Variants in DENND2B observed in about 807,000 individuals in gnomAD.
DENND2B encodes DENN domain-containing protein 2B.
Under a neutral mutation model 116.0 loss-of-function variants are expected in DENND2B, and 32 were observed. The observed-to-expected ratio is 0.28, with a 90% CI of 0.21 to 0.37. The LOEUF is 0.37. DENND2B is among the 10% of genes least tolerant of loss of function. The pLI is 1.00. For missense variants in DENND2B, 1,276 were observed against 1,477.7 expected (o/e 0.86, Z 2.24); for synonymous variants, 588 against 583.9 (o/e 1.01, Z -0.10).
chr11:8,841,460 G>A (rs944711648), intron 3 of DENND2B, among the ~76,000 whole-genome samples: 1 of 151,988 alleles, frequency 6.6e-6, no homozygotes. Flanking sequence ...GCAGCATAGT[G>A]GGACCTCATC....
At chr11:8,910,936 C>T (rs2064316961) in exon 1 of DENND2B, 1 of 55,352 alleles carries the variant, frequency 1.8e-5, no homozygotes, top group East Asian at 1.0e-3. Context: ...CCCCCAGCCC[C>T]CGACCCCCGA....
At chr11:8,823,583 G>C (rs564691724) in intron 4 of DENND2B, among the ~76,000 whole-genome samples, 1 of 152,252 alleles carries the variant, frequency 6.6e-6, no homozygotes, top group East Asian at 1.9e-4. Flanking sequence ...TAGTGAGTGA[G>C]GCTCATGAGA....
At chr11:8,728,699 A>G (rs1326791898) in intron 3 of DENND2B, among the ~76,000 whole-genome samples, 1 of 152,158 alleles carries the variant, frequency 6.6e-6, no homozygotes, top group African/African-American at 2.4e-5. Flanking sequence ...CATCTAACTC[A>G]GATGCCCCTT....
At chr11:8,903,023 C>A (rs2064188881) in intron 1 of DENND2B, among the ~76,000 whole-genome samples, 1 of 152,114 alleles carries the variant, frequency 6.6e-6, no homozygotes, top group Non-Finnish European at 1.5e-5. Flanking sequence ...CCACACCCAG[C>A]TAATTTTTGT....
At chr11:8,732,278 C>A (rs142899353) in intron 2 of DENND2B, among the ~76,000 whole-genome samples, 332 of 152,338 alleles carry the variant, frequency 2.2e-3, no homozygotes, top group African/African-American at 7.5e-3. Context: ...CTCATTTAAT[C>A]TTCCTGAAAA....
chr11:8,715,929 G>A (rs547726345), intron 5 of DENND2B, 111 bp from the exon 6 acceptor site: 21 of 990,936 alleles, frequency 2.1e-5, no homozygotes, highest in South Asian at 2.0e-4. Context: ...CTGGATCCCC[G>A]CCATCTTGCC....
At chr11:8,876,988 C>T (rs916713082) in intron 2 of DENND2B, among the ~76,000 whole-genome samples, 27 of 151,832 alleles carry the variant, frequency 1.8e-4, no homozygotes, top group African/African-American at 6.5e-4. Context: ...TGTCAGGTGG[C>T]CTTTAGACGG....
chr11:8,731,363 G>A (rs1321674347), intron 2 of DENND2B, among the ~76,000 whole-genome samples, 154 bp from the exon 3 acceptor site: 1 of 152,226 alleles, frequency 6.6e-6, no homozygotes, highest in African/African-American at 2.4e-5. Flanking sequence ...CTTGAAGGCT[G>A]TCTTCAAGGA....
chr11:8,903,195 T>A (rs185787441), intron 1 of DENND2B, among the ~76,000 whole-genome samples: 18 of 152,116 alleles, frequency 1.2e-4, no homozygotes, highest in South Asian at 6.2e-4. Context: ...TTATTTATTT[T>A]TTGAGACAGA....
chr11:8,743,491 AG>A (rs1436966678), intron 2 of DENND2B, among the ~76,000 whole-genome samples: 1 of 151,832 alleles, frequency 6.6e-6, no homozygotes, highest in African/African-American at 2.4e-5. Flanking sequence ...CAGAGGCTGC[AG>A]TGAGCCGAGA....
chr11:8,749,248 G>A (rs1157173703), intron 2 of DENND2B, among the ~76,000 whole-genome samples: 1 of 152,176 alleles, frequency 6.6e-6, no homozygotes, highest in Non-Finnish European at 1.5e-5. Context: ...ACATGTTCTG[G>A]AGGAGGTCAG....
In DENND2B at chr11:8,714,653, T is replaced by A. The variant is rs370579705; in HGVS notation, c.1899A>T (p.Leu633Phe). Reference protein sequence around the residue: ...IYNAKRGKKRLKKLSMSSIET... With the variant: ...IYNAKRGKKRFKKLSMSSIET... ...CAATGCTGGACATAGACAACTTTTTTAATCTCTTCTTTCCTCTCTTGGCAT... is the reference window on the plus strand; with the variant it reads ...CAATGCTGGACATAGACAACTTTTTAAATCTCTTCTTTCCTCTCTTGGCAT... The change falls in exon 7 of 20, where the codon TTA (leucine) becomes TTT (phenylalanine). Residue 633 changes from leucine to phenylalanine, a missense_variant. Coordinates refer to ENST00000313726, the MANE Select transcript of DENND2B (RefSeq NM_213618.2). 54 of 1,614,114 alleles carry A rather than the reference T, an allele frequency of 3.3e-5. No homozygotes were observed. Among genetic ancestry groups the A allele is most frequent in the East Asian group, 2.2e-4 (10 of 44,900 alleles).
rs2039858645 is a variant in DENND2B at position 8,693,988 on chromosome 11, G to A, written c.*108C>T. The A allele has an allele frequency of 8.3e-7, 1 of 1,200,704 alleles. No individual in the cohort carries two copies. Among genetic ancestry groups the A allele is most frequent in the Non-Finnish European group, 1.2e-6 (1 of 829,674 alleles). 74.4% of individuals were successfully genotyped at this position (1,200,704 alleles called of 1,614,324 possible). A position where few individuals can be genotyped will look rare whatever the true frequency, so the allele number is the denominator to read the frequency against. ...AGAGGTGGGCTGGCTTGGAGGATAG[G>A]ATCTGTGGGGGCAGAGGAGCCACAG... On this transcript the variant is annotated 3_prime_UTR_variant, in exon 20 of 20. Coordinates refer to ENST00000313726, the MANE Select transcript of DENND2B (RefSeq NM_213618.2).
At position 8,730,704 on chromosome 11, in the gene DENND2B, C is replaced by G. The variant is rs774835675; in HGVS notation, c.586G>C (p.Ala196Pro). The change falls in exon 3 of 20, where the codon GCG becomes CCG. Residue 196 changes from alanine to proline, a missense_variant. Ala to Pro is a conservative substitution (Grantham distance 27). Around this residue, in one of 2 missense-constraint regions of DENND2B, gnomAD observed 856 missense variants for 846.6 expected, o/e 1.01. Coordinates refer to ENST00000313726, the MANE Select transcript of DENND2B (RefSeq NM_213618.2). The surrounding 1 kb of genome is among the most constrained non-coding windows in gnomAD (Gnocchi z 4.1). The stretch of plus-strand genomic sequence containing the variant: ...AGGCTGGGGCAGCCCTCACTGGCCG[C>G]CCACTCGCTCCCAGAGCCCTCCCGC... ...EKREGSGSEW[A>P]ASEGCPSLGC... 1.9e-6 allele frequency: 3 copies of G among 1,611,898 alleles called. No individual in the cohort carries two copies.
chr11:8,814,093 C>T (rs545563315), upstream of DENND2B, among the ~76,000 whole-genome samples: 1 of 152,270 alleles, frequency 6.6e-6, no homozygotes, highest in South Asian at 2.1e-4. Context: ...TTTCTGCCCA[C>T]ATCCAACCCA....
At chr11:8,790,512 T>C (rs1450928500) in intron 1 of DENND2B, among the ~76,000 whole-genome samples, 1 of 152,184 alleles carries the variant, frequency 6.6e-6, no homozygotes, top group Admixed American at 6.5e-5. Flanking sequence ...CTCACACCTG[T>C]AATCCCAGCA....
chr11:8,789,214 C>G (rs2059165079), intron 1 of DENND2B, among the ~76,000 whole-genome samples: 1 of 152,176 alleles, frequency 6.6e-6, no homozygotes, highest in Non-Finnish European at 1.5e-5. Context: ...ATAAAACAAG[C>G]TAGTTCATGT....
chr11:8,774,884 T>C (rs2057417463), intron 1 of DENND2B, among the ~76,000 whole-genome samples: 2 of 150,952 alleles, frequency 1.3e-5, no homozygotes. Context: ...TTAATTATTA[T>C]TTTCACTTTT....
At chr11:8,882,214 G>C (rs2063910968) in intron 1 of DENND2B, among the ~76,000 whole-genome samples, 1 of 152,090 alleles carries the variant, frequency 6.6e-6, no homozygotes, top group Non-Finnish European at 1.5e-5. Flanking sequence ...CTGGCTTCTG[G>C]CATCCTATGC....
Sources: allele counts gnomAD v4.1 joint callset (sites outside exome capture counted in the v4.1 genomes callset), GRCh38; gene constraint gnomAD v4.1.1; regional missense constraint gnomAD v4.1.1; non-coding constraint Gnocchi (gnomAD v3.1); transcripts MANE v1.5; gene names NCBI Gene and HGNC (gene_info 2026-07-23, HGNC 2026-07-21).